ULBP1: variants seen among roughly 807,000 people sequenced by gnomAD.
The protein encoded by ULBP1 is UL16-binding protein 1.
Under a neutral mutation model 25.3 loss-of-function variants are expected in ULBP1, and 28 were observed. The ratio of observed to expected loss-of-function variants is 1.10; its 90% confidence interval spans 0.82 to 1.51. ULBP1 has a LOEUF of 1.51. ULBP1 is among the 40% of genes most tolerant of loss of function. The probability of loss-of-function intolerance (pLI) is 0.00; values close to 1 mark genes in which losing one functional copy is unlikely to be tolerated. For synonymous variants in ULBP1, 129 were observed against 103.0 expected (o/e 1.25, Z -1.53); for missense variants, 348 against 290.9 (o/e 1.20, Z -1.43).
intron 4 of ULBP1, among the ~76,000 whole-genome samples, chr6:149,971,051 G>T (rs1032295909): frequency 6.6e-6 from 1 of 152,224 alleles, no homozygotes; most frequent in African/African-American, 2.4e-5. Flanking sequence ...AGCTCTCTTT[G>T]GACAGGGTTC....
Position 149,963,967 on chromosome 6 carries a change from G to C in ULBP1, c.-83G>C. 1 of 1,438,738 alleles carries C rather than the reference G, an allele frequency of 7.0e-7. No homozygotes were observed. Among genetic ancestry groups the C allele is most frequent in the Non-Finnish European group, 9.6e-7 (1 of 1,040,000 alleles). 89.1% of individuals were successfully genotyped at this position (1,438,738 alleles called of 1,614,324 possible). A position where few individuals can be genotyped will look rare whatever the true frequency, so the allele number is the denominator to read the frequency against. ...TGTATCCCTGCGCGCGGCGGGCCGG[G>C]CTGGGCAGCTTTATAAACAGCCGTG... On this transcript the variant is annotated 5_prime_UTR_variant, in exon 1 of 5. Coordinates refer to ENST00000229708, the MANE Select transcript of ULBP1 (RefSeq NM_025218.4).
intron 1 of ULBP1, among the ~76,000 whole-genome samples, chr6:149,964,421 T>C (rs890233407): frequency 1.3e-5 from 2 of 149,340 alleles, no homozygotes; most frequent in Admixed American, 1.3e-4. Flanking sequence ...GTGGCTCCTT[T>C]CCGCCGGGTC....
chr6:149,966,993 G>A (rs576453739), intron 1 of ULBP1, among the ~76,000 whole-genome samples: 92 of 151,884 alleles, frequency 6.1e-4, no homozygotes, highest in Admixed American at 2.8e-3. Flanking sequence ...CTCATCACAG[G>A]GTGTGTATGG....
At chr6:149,964,536 A>G (rs929817636) in intron 1 of ULBP1, among the ~76,000 whole-genome samples, 11 of 146,830 alleles carry the variant, frequency 7.5e-5, no homozygotes, top group African/African-American at 2.6e-4. Context: ...GGCCTCTCCG[A>G]ACATCGCCCT....
intron 1 of ULBP1, among the ~76,000 whole-genome samples, chr6:149,965,950 C>T (rs1779197611): frequency 6.6e-6 from 1 of 152,046 alleles, no homozygotes; most frequent in Admixed American, 6.5e-5. Flanking sequence ...ACACCCCAGG[C>T]TTTCCACAAA....
rs1779327744 is a variant in ULBP1 at position 149,972,070 on chromosome 6, C to G, written c.*724C>G. Reference sequence around the variant, plus strand: ...TCTTGGTCTCGAGCAATGCTACCACCTTGGCCTCCCAATGCTCTGGGATTA... The same window carrying G: ...TCTTGGTCTCGAGCAATGCTACCACGTTGGCCTCCCAATGCTCTGGGATTA... On this transcript the variant is annotated 3_prime_UTR_variant, in exon 5 of 5. Coordinates refer to ENST00000229708, the MANE Select transcript of ULBP1 (RefSeq NM_025218.4). 2 of 152,174 alleles carry G rather than the reference C, an allele frequency of 1.3e-5. No individual in the cohort carries two copies. Among genetic ancestry groups the G allele is most frequent in the Admixed American group, 1.3e-4 (2 of 15,276 alleles). The allele number at this position is 152,174 out of a possible 1,614,324, so 9.4% of individuals were successfully genotyped here.
At chr6:149,968,896 A>C (rs1355917688) in intron 2 of ULBP1, 26 bp downstream of exon 2, 1 of 1,604,516 alleles carries the variant, frequency 6.2e-7, no homozygotes. Flanking sequence ...CCCAGGGAGC[A>C]GACACAGTAG....
chr6:149,971,113 G>A (rs984514453), intron 4 of ULBP1, among the ~76,000 whole-genome samples: 8 of 152,216 alleles, frequency 5.3e-5, no homozygotes, highest in African/African-American at 1.4e-4. Context: ...CCCTCAGTGA[G>A]GGTGCAGACC....
chr6:149,968,498 C>T (rs1779242909), intron 1 of ULBP1, 109 bp from the exon 2 acceptor site: 16 of 1,443,354 alleles, frequency 1.1e-5, no homozygotes, highest in Non-Finnish European at 1.4e-5. Context: ...TCTTGGTCTG[C>T]CAGCCCAGCC....
chr6:149,969,204 A>C lies in ULBP1; in HGVS notation c.469A>C (p.Lys157Gln), dbSNP rs772431798. Reference protein sequence around the residue: ...KFLLFDSNNRKWTALHPGAKK... With the variant: ...KFLLFDSNNRQWTALHPGAKK... ...CCTCCTCTTTGACTCAAACAACAGA[A>C]AGTGGACAGCACTTCATCCTGGAGC... Residue 157 changes from lysine to glutamine, a missense_variant, in exon 3 of 5, where the codon AAG (lysine) becomes CAG (glutamine). Coordinates refer to ENST00000229708, the MANE Select transcript of ULBP1 (RefSeq NM_025218.4). 1.2e-6 allele frequency: 2 copies of C among 1,614,134 alleles called. No homozygotes were observed. Among genetic ancestry groups the C allele is most frequent in the Non-Finnish European group, 1.7e-6 (2 of 1,180,056 alleles).
chr6:149,971,619 A>G lies in ULBP1; in HGVS notation c.*273A>G, dbSNP rs1476903310. On this transcript the variant is annotated 3_prime_UTR_variant, in exon 5 of 5. Coordinates refer to ENST00000229708, the MANE Select transcript of ULBP1 (RefSeq NM_025218.4). ...TGCCACTTTCTGTCGGTGCTAATGG[A>G]TGGAACTCCTGCACAAGTTTTAACT... 1.3e-5 allele frequency: 2 copies of G among 154,196 alleles called. No individual in the cohort carries two copies. Among genetic ancestry groups the G allele is most frequent in the South Asian group, 4.1e-4 (2 of 4,868 alleles). 9.6% of individuals were successfully genotyped at this position (154,196 alleles called of 1,614,324 possible). A position where few individuals can be genotyped will look rare whatever the true frequency, so the allele number is the denominator to read the frequency against.
At chr6:149,966,507 G>A (rs1261058262) in intron 1 of ULBP1, among the ~76,000 whole-genome samples, 1 of 152,156 alleles carries the variant, frequency 6.6e-6, no homozygotes, top group Non-Finnish European at 1.5e-5. Context: ...GGGCAATCAG[G>A]GACCCTCCTT....
intron 4 of ULBP1, among the ~76,000 whole-genome samples, chr6:149,970,594 C>T (rs759279705): frequency 7.2e-5 from 11 of 152,218 alleles, no homozygotes; most frequent in South Asian, 2.1e-4. Context: ...AATCCCAGGA[C>T]GAGGGAGCTG....
chr6:149,969,024 G>T, intron 2 of ULBP1, 61 bp from the exon 3 acceptor site: 1 of 1,582,612 alleles, frequency 6.3e-7, no homozygotes, highest in Non-Finnish European at 8.6e-7. Flanking sequence ...AGCCAGGAAA[G>T]GAAGCAGGGT....
rs201326817 is a variant in ULBP1 at position 149,968,738 on chromosome 6, G to C, written c.217G>C (p.Ala73Pro). The change falls in exon 2 of 5, where the codon GCC becomes CCC. Residue 73 changes from alanine to proline, a missense_variant. Physicochemically the swap from Ala to Pro is conservative, Grantham distance 27 (BLOSUM62 -1). Coordinates refer to ENST00000229708, the MANE Select transcript of ULBP1 (RefSeq NM_025218.4). ...TGACTGTGTTAACCACAAGGCCAAAGCCTTTGCTTCTCTGGGGAAGAAAGT... is the reference window on the plus strand; with the variant it reads ...TGACTGTGTTAACCACAAGGCCAAACCCTTTGCTTCTCTGGGGAAGAAAGT... ...HYDCVNHKAK[A>P]FASLGKKVNV... 2 of 1,614,256 alleles carry C rather than the reference G, an allele frequency of 1.2e-6. No individual in the cohort carries two copies. The highest frequency in any genetic ancestry group is 2.2e-5 in the East Asian group (1 of 44,888).
Position 149,972,696 on chromosome 6 carries a change from G to A in ULBP1, c.*1350G>A, listed in dbSNP as rs889293857. 6.6e-6 allele frequency: 1 copy of A among 152,122 alleles called. No homozygotes were observed. The highest frequency in any genetic ancestry group is 2.1e-4 in the South Asian group (1 of 4,824). The allele number at this position is 152,122 out of a possible 1,614,324, so 9.4% of individuals were successfully genotyped here. ...AAAACCCAATTAAAATTGGGCAAAG[G>A]CATGAACAGACACTTTTCAAAAGAA... is the stretch of plus-strand genomic sequence containing the variant. On this transcript the variant is annotated 3_prime_UTR_variant, in exon 5 of 5. Coordinates refer to ENST00000229708, the MANE Select transcript of ULBP1 (RefSeq NM_025218.4).
At chr6:149,969,455 G>C (rs934423380) in intron 3 of ULBP1, 95 bp downstream of exon 3, 1 of 1,526,486 alleles carries the variant, frequency 6.6e-7, no homozygotes, top group South Asian at 1.3e-5. Context: ...GTTTGAGTGA[G>C]TATGAACATG....
At position 149,971,376 on chromosome 6, in the gene ULBP1, G is replaced by T; in HGVS notation, c.*30G>T. ...GCTTCATCTTTTCTCAAGGTGGAAA[G>T]TGATATCAAGAAGCCTCTGTTAGCC... On this transcript the variant is annotated 3_prime_UTR_variant, in exon 5 of 5. Coordinates refer to ENST00000229708, the MANE Select transcript of ULBP1 (RefSeq NM_025218.4). 1 of 985,332 alleles carries T rather than the reference G, an allele frequency of 1.0e-6. No individual in the cohort carries two copies. Among genetic ancestry groups the T allele is most frequent in the African/African-American group, 1.7e-5 (1 of 57,246 alleles). 61.0% of individuals were successfully genotyped at this position (985,332 alleles called of 1,614,324 possible).
intron 4 of ULBP1, among the ~76,000 whole-genome samples, chr6:149,970,720 A>G (rs1779298997): frequency 6.6e-6 from 1 of 152,216 alleles, no homozygotes; most frequent in Non-Finnish European, 1.5e-5. Context: ...GATTTAGGAA[A>G]AGGCCAGGCC....
Sources: gnomAD v4.1 joint callset for allele counts (sites outside exome capture counted in the v4.1 genomes callset) on GRCh38, gnomAD v4.1.1 for gene constraint, MANE v1.5 for transcripts, NCBI Gene and HGNC (gene_info 2026-07-23, HGNC 2026-07-21) for gene names.